GABRG3: variants seen among roughly 807,000 people sequenced by gnomAD.
GABRG3 encodes the protein gamma-aminobutyric acid type A receptor subunit gamma3, also known as gamma-aminobutyric acid receptor subunit gamma-3.
In GABRG3, 25 loss-of-function variants were observed where a neutral mutation model predicts 48.8. The observed-to-expected ratio is 0.51, with a 90% CI of 0.37 to 0.72. The LOEUF is 0.72. Among genes scored for constraint, GABRG3 ranks in the 30% least tolerant of loss-of-function variants. GABRG3 has a pLI of 0.00. For synonymous variants in GABRG3, 227 were observed against 217.6 expected (o/e 1.04, Z -0.38); for missense variants, 394 against 577.9 (o/e 0.68, Z 3.26).
intron 8 of GABRG3, 69 bp downstream of exon 8, chr15:27,527,698 ATGCAGTTG>A: frequency 7.4e-7 from 1 of 1,356,684 alleles, no homozygotes; most frequent in Non-Finnish European, 1.0e-6. Context: ...GTGTACTTAA[ATGCAGTTG>A]TATTCCTAAG....
chr15:27,302,332 G>T (rs536088699), intron 3 of GABRG3, among the ~76,000 whole-genome samples: 1 of 152,024 alleles, frequency 6.6e-6, no homozygotes, highest in African/African-American at 2.4e-5. Flanking sequence ...TAAGCAGATT[G>T]TGAAGAGTTG....
At chr15:27,454,033 T>C (rs1172159313) in intron 5 of GABRG3, among the ~76,000 whole-genome samples, 1 of 152,218 alleles carries the variant, frequency 6.6e-6, no homozygotes, top group Non-Finnish European at 1.5e-5. Flanking sequence ...GTCCACTCCA[T>C]GTCCACACCG....
chr15:26,994,546 C>G (rs1409710804), intron 2 of GABRG3, among the ~76,000 whole-genome samples: 1 of 151,880 alleles, frequency 6.6e-6, no homozygotes, highest in Non-Finnish European at 1.5e-5. Context: ...ATTGTACTGT[C>G]TATGTCTTCA....
intron 3 of GABRG3, among the ~76,000 whole-genome samples, chr15:27,043,486 A>G (rs1053533867): frequency 3.6e-4 from 55 of 152,122 alleles, no homozygotes; most frequent in African/African-American, 1.3e-3. Context: ...AGCTCACCTG[A>G]GCTGGTATCA....
intron 3 of GABRG3, among the ~76,000 whole-genome samples, chr15:27,215,881 G>A (rs1225579768): frequency 6.6e-6 from 1 of 152,192 alleles, no homozygotes; most frequent in Non-Finnish European, 1.5e-5. Context: ...TGGTGAATAT[G>A]TGCGTGTTGT....
chr15:27,187,072 TA>T (rs59161398), intron 3 of GABRG3, among the ~76,000 whole-genome samples: 90,268 of 152,002 alleles, frequency 0.59, 27,583 homozygotes, highest in East Asian at 0.81. Context: ...TTTAAGTCTT[TA>T]ATCCATCTTG....
chr15:27,308,352 C>CATTT (rs1892805986), intron 3 of GABRG3, among the ~76,000 whole-genome samples: 1 of 101,684 alleles, frequency 9.8e-6, no homozygotes, highest in Non-Finnish European at 2.2e-5. Context: ...TATAAACATA[C>CATTT]GTTTATATAT....
intron 3 of GABRG3, chr15:27,295,072 G>A (rs942973799): frequency 2.0e-5 from 3 of 152,050 alleles, no homozygotes; most frequent in African/African-American, 7.2e-5. Flanking sequence ...GAAAATTCTG[G>A]GGGAAAAGAG....
chr15:27,244,620 T>C (rs1890221105), intron 3 of GABRG3, among the ~76,000 whole-genome samples: 1 of 152,150 alleles, frequency 6.6e-6, no homozygotes, highest in African/African-American at 2.4e-5. Context: ...TAAATAAATA[T>C]TTAAATCTTA....
At position 26,986,030 on chromosome 15, in the gene GABRG3, C is replaced by T. The variant is rs565366948; in HGVS notation, c.202+8880C>T. 6.6e-5 allele frequency among the ~76,000 whole-genome samples: 10 copies of T among 152,112 alleles called. 1 individual carries two copies. The highest frequency in any genetic ancestry group is 3.3e-4 in the Admixed American group (5 of 15,272). On this transcript the variant is annotated intron_variant, in intron 2 of 9. Coordinates refer to ENST00000615808, the MANE Select transcript of GABRG3 (RefSeq NM_033223.5). ...GTGCCCCAGGCTGGTGGCTGCCTGC[C>T]GGACCACCCCTCTGACTCAATGAAT...
intron 5 of GABRG3, among the ~76,000 whole-genome samples, chr15:27,454,710 G>A (rs774911490): frequency 8.5e-5 from 13 of 152,140 alleles, no homozygotes; most frequent in Non-Finnish European, 1.8e-4. Flanking sequence ...GTATTATGAT[G>A]GGTATTCCAT....
intron 3 of GABRG3, among the ~76,000 whole-genome samples, chr15:27,195,033 G>A: frequency 6.6e-6 from 1 of 152,150 alleles, no homozygotes; most frequent in East Asian, 1.9e-4. Flanking sequence ...AGTCTGTTTT[G>A]TGGCATCCTC....
chr15:27,253,335 G>C (rs1890519238), intron 3 of GABRG3, among the ~76,000 whole-genome samples: 1 of 152,202 alleles, frequency 6.6e-6, no homozygotes, highest in African/African-American at 2.4e-5. Context: ...GGGGCCTGAG[G>C]CTGGATTGCA....
chr15:26,976,723 C>T lies in GABRG3; in HGVS notation c.54-279C>T, dbSNP rs866741129. On this transcript the variant is annotated intron_variant, in intron 1 of 9. Coordinates refer to ENST00000615808, the MANE Select transcript of GABRG3 (RefSeq NM_033223.5). This position sits in a 1 kb window ranked among gnomAD's most constrained non-coding sequence, Gnocchi z 7.8. ...CTGGTTGGCCCTCTGGTGTTGTTTACCTGCCACGTTGTCTGTAGTTTAACT... is the reference window on the plus strand; with the variant it reads ...CTGGTTGGCCCTCTGGTGTTGTTTATCTGCCACGTTGTCTGTAGTTTAACT... Among the ~76,000 whole-genome samples, 1 of 152,118 alleles carries T rather than the reference C, an allele frequency of 6.6e-6. No individual in the cohort carries two copies. Among genetic ancestry groups the T allele is most frequent in the East Asian group, 1.9e-4 (1 of 5,184 alleles).
chr15:27,477,624 A>G (rs1019154631), intron 5 of GABRG3, among the ~76,000 whole-genome samples: 1 of 152,244 alleles, frequency 6.6e-6, no homozygotes, highest in Non-Finnish European at 1.5e-5. Flanking sequence ...ACCATTCTGC[A>G]GCAGGATATT....
intron 9 of GABRG3, among the ~76,000 whole-genome samples, chr15:27,528,654 C>T (rs1891343015): frequency 6.6e-6 from 1 of 152,134 alleles, no homozygotes; most frequent in African/African-American, 2.4e-5. Context: ...GGTAGTCACG[C>T]AGGAAAATGA....
intron 2 of GABRG3, among the ~76,000 whole-genome samples, chr15:27,022,194 T>C (rs1895907889): frequency 1.3e-5 from 2 of 152,160 alleles, no homozygotes; most frequent in Admixed American, 1.3e-4. Flanking sequence ...ATAAGTCTGG[T>C]TTTAGAGAGA....
rs1011818542 is a variant in GABRG3, at chr15:27,533,610, T to A, written c.*729T>A. ...TTACTTTATTCCAACTTACTGAGAG[T>A]CAACAATATTTGAACTTTGGGTTCT... On this transcript the variant is annotated 3_prime_UTR_variant, in exon 10 of 10. Coordinates refer to ENST00000615808, the MANE Select transcript of GABRG3 (RefSeq NM_033223.5). The A allele has an allele frequency of 6.6e-6, 1 of 152,156 alleles. No individual in the cohort carries two copies. The highest frequency in any genetic ancestry group is 1.9e-4 in the East Asian group (1 of 5,192). The allele number at this position is 152,156 out of a possible 1,614,324, so 9.4% of individuals were successfully genotyped here.
rs1258851454 is a variant in GABRG3 at position 27,049,995 on chromosome 15, A to G, written c.270+23174A>G. On this transcript the variant is annotated intron_variant, in intron 3 of 9. Coordinates refer to ENST00000615808, the MANE Select transcript of GABRG3 (RefSeq NM_033223.5). ...GTCTGAAATATGTTGAATAAGACCT[A>G]TAATAAGTGGGTTTCTCTATTCTGT... Among the ~76,000 whole-genome samples, 4 of 152,206 alleles carry G rather than the reference A, an allele frequency of 2.6e-5. No homozygotes were observed. The East Asian group carries it at 5.8e-4, about 22-fold the overall frequency.
Sources: allele counts gnomAD v4.1 joint callset (sites outside exome capture counted in the v4.1 genomes callset), GRCh38; gene constraint gnomAD v4.1.1; non-coding constraint Gnocchi (gnomAD v3.1); transcripts MANE v1.5; gene names NCBI Gene and HGNC (gene_info 2026-07-23, HGNC 2026-07-21).